RGS12: variants seen among roughly 807,000 people sequenced by gnomAD.
RGS12 encodes the protein regulator of G protein signaling 12.
RGS12 carries 66 observed loss-of-function variants against 120.1 expected under a neutral mutation model. That is an observed-to-expected ratio of 0.55 (90% CI 0.45 to 0.67). RGS12 has a LOEUF of 0.67. Among genes scored for constraint, RGS12 ranks in the 30% least tolerant of loss-of-function variants. The probability of loss-of-function intolerance (pLI) is 0.00; values close to 1 mark genes in which losing one functional copy is unlikely to be tolerated. For synonymous variants in RGS12, 827 were observed against 804.7 expected (o/e 1.03, Z -0.47); for missense variants, 1,859 against 1,957.7 (o/e 0.95, Z 0.95).
chr4:3,322,094 C>T (rs1030936758), intron 2 of RGS12, among the ~76,000 whole-genome samples: 6 of 152,312 alleles, frequency 3.9e-5, no homozygotes, highest in African/African-American at 9.6e-5. Flanking sequence ...CCCGGGTTTC[C>T]GCCCTCAGTG....
At chr4:3,336,325 A>G (rs1307391789) in intron 2 of RGS12, among the ~76,000 whole-genome samples, 1 of 152,064 alleles carries the variant, frequency 6.6e-6, no homozygotes, top group Non-Finnish European at 1.5e-5. Flanking sequence ...CTCAATACCA[A>G]GCTACCCCTT....
intron 2 of RGS12, among the ~76,000 whole-genome samples, chr4:3,323,392 C>T (rs542709586): frequency 8.5e-5 from 13 of 152,340 alleles, no homozygotes; most frequent in South Asian, 2.1e-4. Flanking sequence ...TGCCCCGCTC[C>T]GCGCGGGGAG....
At chr4:3,329,634 C>G (rs551470155) in intron 2 of RGS12, among the ~76,000 whole-genome samples, 1 of 141,228 alleles carries the variant, frequency 7.1e-6, no homozygotes, top group Non-Finnish European at 1.5e-5. Flanking sequence ...GAGTGTGATG[C>G]GACTGAAGCA....
Position 3,317,730 on chromosome 4 carries a change from C to T in RGS12, c.1560C>T (p.Pro520=). 1 of 1,613,568 alleles carries T rather than the reference C, an allele frequency of 6.2e-7. No homozygotes were observed. Among genetic ancestry groups the T allele is most frequent in the Non-Finnish European group, 8.5e-7 (1 of 1,180,008 alleles). Residue 520 remains proline (P), a synonymous_variant, in exon 2 of 18, where the codon CCC becomes CCT. Coordinates refer to ENST00000336727, the MANE Select transcript of RGS12 (RefSeq NM_001394154.1). ...CAGCTTCCTTGAGGAGCTCAGTCCCCCCTTCCAAGAGGGGCACCGTGGGTG... is the reference window on the plus strand; with the variant it reads ...CAGCTTCCTTGAGGAGCTCAGTCCCTCCTTCCAAGAGGGGCACCGTGGGTG... ...VPPASLRSSV[P]PSKRGTVGAG...
rs1165563903 is a variant in RGS12 at position 3,316,750 on chromosome 4, C to G, written c.580C>G (p.Leu194Val). The G allele has an allele frequency of 1.2e-6, 2 of 1,614,190 alleles. No individual in the cohort carries two copies. The highest frequency in any genetic ancestry group is 1.7e-5 in the Admixed American group (1 of 60,032). ...ESINNPNPNMLSKEEISKVIH... is the reference protein window; with the variant it reads ...ESINNPNPNMVSKEEISKVIH... ...TATAAATAATCCAAATCCCAACATG[C>G]TTTCTAAGGAGGAAATATCAAAAGT... The change falls in exon 2 of 18, where the codon CTT (leucine) becomes GTT (valine). Residue 194 changes from leucine (L) to valine (V), a missense_variant. Transcript: ENST00000336727.
intron 4 of RGS12, among the ~76,000 whole-genome samples, chr4:3,399,798 G>A (rs1382609053): frequency 1.3e-5 from 2 of 152,190 alleles, no homozygotes; most frequent in East Asian, 3.8e-4. Flanking sequence ...AAATCCTGGT[G>A]GGTTTAACAA....
chr4:3,423,458 T>G, intron 12 of RGS12, 57 bp from the exon 13 acceptor site: 1 of 1,603,162 alleles, frequency 6.2e-7, no homozygotes, highest in East Asian at 2.2e-5. Flanking sequence ...CTCGTGAGAC[T>G]GATCTCCTAA....
rs531883912 is a variant in RGS12, at chr4:3,364,821, C to T, written c.1999-21595C>T. Among the ~76,000 whole-genome samples the T allele has an allele frequency of 6.6e-5, 10 of 152,246 alleles. No individual in the cohort carries two copies. In the South Asian group the frequency reaches 2.1e-3, roughly 32 times the overall value. On this transcript the variant is annotated intron_variant, in intron 3 of 17. Transcript: ENST00000336727. ...GGGGCCTTGGCTGATTTCCCATCAC[C>T]TGACTTGGCGGTCGCTGCCTGGGAG...
intron 1 of RGS12, among the ~76,000 whole-genome samples, chr4:3,293,922 CAG>C (rs1723209203): frequency 5.1e-5 from 1 of 19,550 alleles, no homozygotes; most frequent in African/African-American, 1.1e-3. Context: ...GGAGTGTAGA[CAG>C]AGTCTCATAG....
intron 5 of RGS12, 151 bp downstream of exon 5, chr4:3,414,392 C>G: frequency 1.2e-6 from 1 of 860,608 alleles, no homozygotes; most frequent in South Asian, 1.8e-5. Context: ...CCGCCACCCT[C>G]TCAAGAGCTC....
At chr4:3,432,349 G>A (rs895361372) in intron 17 of RGS12, 35 of 244,476 alleles carry the variant, frequency 1.4e-4, no homozygotes, top group Non-Finnish European at 1.4e-4. Context: ...TTGAGCACCT[G>A]GTGTGCTCCC....
intron 10 of RGS12, 34 bp downstream of exon 10, chr4:3,420,752 C>G (rs182959558): frequency 3.2e-6 from 5 of 1,561,004 alleles, no homozygotes; most frequent in Non-Finnish European, 4.4e-6. Context: ...CCACAGGCCT[C>G]AGGGGTGTCC....
Position 3,316,413 on chromosome 4 carries a change from G to A in RGS12, c.243G>A (p.Val81=). The change falls in exon 2 of 18, where the codon GTG becomes GTA. Residue 81 remains valine, a synonymous_variant. Transcript: ENST00000336727. Reference sequence around the variant, plus strand: ...AAAAAGCATCTCATGAAGATGTAGTGAAATTAATTGGGAAGTGCTCTGGTG... The same window carrying A: ...AAAAAGCATCTCATGAAGATGTAGTAAAATTAATTGGGAAGTGCTCTGGTG... ...NVKKASHEDV[V]KLIGKCSGVL... 6.2e-7 allele frequency: 1 copy of A among 1,614,144 alleles called. No individual in the cohort carries two copies. The highest frequency in any genetic ancestry group is 1.1e-5 in the South Asian group (1 of 91,078).
At chr4:3,394,273 G>T (rs548496357) in intron 4 of RGS12, among the ~76,000 whole-genome samples, 1 of 151,748 alleles carries the variant, frequency 6.6e-6, no homozygotes, top group Non-Finnish European at 1.5e-5. Context: ...AGTGATTCTT[G>T]TGCCTCAGTC....
In RGS12 at chr4:3,363,138, G is replaced by T. The variant is rs566859273; in HGVS notation, c.1998+20085G>T. ...GAGAGTGCGCATCAGTGAGTGTGGGGGTGTGTGTGCGCGAGGGCGTGTGTG... is the reference window on the plus strand; with the variant it reads ...GAGAGTGCGCATCAGTGAGTGTGGGTGTGTGTGTGCGCGAGGGCGTGTGTG... On this transcript the variant is annotated intron_variant, in intron 3 of 17. Transcript: ENST00000336727. Among the ~76,000 whole-genome samples the T allele has an allele frequency of 4.0e-5, 6 of 149,050 alleles. No individual in the cohort carries two copies. In the East Asian group the frequency reaches 1.2e-3, roughly 30 times the overall value.
intron 4 of RGS12, chr4:3,413,065 CCACA>C (rs1490490624): frequency 5.5e-5 from 1 of 18,124 alleles, no homozygotes; most frequent in African/African-American, 2.6e-4. Context: ...GGGGGCGCCC[CCACA>C]CTGCTCACGT....
chr4:3,416,901 T>A lies in RGS12; in HGVS notation c.2428-12T>A, dbSNP rs1449468173. 5 of 1,585,642 alleles carry A rather than the reference T, an allele frequency of 3.2e-6. No individual in the cohort carries two copies. Among genetic ancestry groups the A allele is most frequent in the Non-Finnish European group, 4.3e-6 (5 of 1,158,756 alleles). ...CCTCCTGTGACTGTCCCACCTTACA[T>A]CTTCTCCCCAGATCTTCAATCTCAT... On this transcript the variant is annotated splice_polypyrimidine_tract_variant and intron_variant, in intron 7 of 17. Transcript: ENST00000336727.
rs1486309383 is a variant in RGS12 at position 3,363,638 on chromosome 4, C to T, written c.1998+20585C>T. On this transcript the variant is annotated intron_variant, in intron 3 of 17. Transcript: ENST00000336727. Reference sequence around the variant, plus strand: ...GACGCAGCGTCCCGCTCACCCGGCGCACACTGCAGGGCTCCATGCGGGAGT... The same window carrying T: ...GACGCAGCGTCCCGCTCACCCGGCGTACACTGCAGGGCTCCATGCGGGAGT... 3.9e-5 allele frequency among the ~76,000 whole-genome samples: 6 copies of T among 152,044 alleles called. No homozygotes were observed. The East Asian group carries it at 7.7e-4, about 20-fold the overall frequency.
Position 3,417,104 on chromosome 4 carries a change from G to A in RGS12, c.2607+12G>A, listed in dbSNP as rs372467773. ...CCACGCCAAAAAAGGTGACCTCCCC[G>A]AGGCTGGCCTCACGCCCCTGTGGGT... On this transcript the variant is annotated intron_variant, in intron 8 of 17. Transcript: ENST00000336727. 19 of 1,585,938 alleles carry A rather than the reference G, an allele frequency of 1.2e-5. No individual in the cohort carries two copies. The highest frequency in any genetic ancestry group is 2.7e-5 in the African/African-American group (2 of 74,460).
Sources: allele counts gnomAD v4.1 joint callset (sites outside exome capture counted in the v4.1 genomes callset), GRCh38; gene constraint gnomAD v4.1.1; transcripts MANE v1.5; gene names NCBI Gene and HGNC (gene_info 2026-07-23, HGNC 2026-07-21).